The following TENT4A variants were observed in gnomAD, a reference collection of about 807,000 sequenced individuals.
The protein encoded by TENT4A is terminal nucleotidyltransferase 4A, also known as DNA polymerase kappa.
A neutral mutation model predicts 72.8 loss-of-function variants in TENT4A; 7 were observed. The observed-to-expected ratio is 0.10, with a 90% CI of 0.05 to 0.18. The LOEUF (loss-of-function observed/expected upper bound fraction) is 0.18, where lower values mean the gene tolerates loss of function less well. TENT4A is among the 10% of genes least tolerant of loss of function. The probability of loss-of-function intolerance (pLI) is 1.00; values close to 1 mark genes in which losing one functional copy is unlikely to be tolerated. For synonymous variants in TENT4A, 456 were observed against 434.3 expected, an observed-to-expected ratio of 1.05 and a Z score of -0.62; for missense variants, 831 against 1,017.7, an observed-to-expected ratio of 0.82 and a Z score of 2.50.
At chr5:6,729,431 A>G (rs1490892816) in intron 1 of TENT4A, among the ~76,000 whole-genome samples, 1 of 152,248 alleles carries the variant, frequency 6.6e-6, no homozygotes, top group Non-Finnish European at 1.5e-5. Context: ...CAGTGTAAGG[A>G]TATCTGGAAA....
At chr5:6,718,615 T>C (rs908803615) in intron 1 of TENT4A, among the ~76,000 whole-genome samples, 3 of 152,236 alleles carry the variant, frequency 2.0e-5, no homozygotes, top group Admixed American at 1.3e-4. Flanking sequence ...ACTAAGCAGA[T>C]ACTTGCTCCT....
intron 1 of TENT4A, among the ~76,000 whole-genome samples, chr5:6,735,870 C>T (rs1741459025): frequency 1.3e-5 from 2 of 151,878 alleles, no homozygotes; most frequent in Non-Finnish European, 2.9e-5. Flanking sequence ...AAGCGATTCT[C>T]CTGCCTCAGT....
Position 6,756,460 on chromosome 5 carries a change from G to T in TENT4A, c.*1515G>T, listed in dbSNP as rs1265411052. On this transcript the variant is annotated 3_prime_UTR_variant, in exon 13 of 13. Coordinates refer to ENST00000230859, the MANE Select transcript of TENT4A (RefSeq NM_006999.6). ...CATGACATCTGATGCATGTGCAGCA[G>T]TGGGGAGTTCTAGATTGATCTCTGA... 1 of 152,518 alleles carries T rather than the reference G, an allele frequency of 6.6e-6. No individual in the cohort carries two copies. The highest frequency in any genetic ancestry group is 2.4e-5 in the African/African-American group (1 of 41,446). 9.4% of individuals were successfully genotyped at this position (152,518 alleles called of 1,614,324 possible). A position where few individuals can be genotyped will look rare whatever the true frequency, so the allele number is the denominator to read the frequency against.
intron 11 of TENT4A, among the ~76,000 whole-genome samples, chr5:6,752,077 T>G (rs1461023257): frequency 6.6e-6 from 1 of 152,186 alleles, no homozygotes; most frequent in Non-Finnish European, 1.5e-5. Context: ...TAAAATGAAT[T>G]ATACCACAGA....
rs1029384328 is a variant in TENT4A at position 6,752,960 on chromosome 5, G to A, written c.2107G>A (p.Ala703Thr). ...AGVEGTASLK[A>T]VHHMSSPAIP... ...TGTAGAAGGAACTGCGTCTTTGAAA[G>A]CCGTCCACCACATGTCTTCCCCGGC... The change falls in exon 12 of 13, where the codon GCC (alanine) becomes ACC (threonine). Residue 703 changes from alanine to threonine, a missense_variant. Ala to Thr is a moderately conservative substitution (Grantham distance 58, BLOSUM62 0). Coordinates refer to ENST00000230859, the MANE Select transcript of TENT4A (RefSeq NM_006999.6). The A allele has an allele frequency of 1.6e-5, 26 of 1,613,980 alleles. No individual in the cohort carries two copies. The Admixed American group carries it at 3.0e-4, about 19-fold the overall frequency.
rs373129009 is a variant in TENT4A at position 6,746,517 on chromosome 5, C to T, written c.1459+90C>T. On this transcript the variant is annotated intron_variant, in intron 7 of 12. Transcript: ENST00000230859. ...GCCTGTGTTGGGGCTCTGAGAGCCC[C>T]GGGCAGTTCATTTGCTCTTGATGCA... The T allele has an allele frequency of 6.2e-5, 74 of 1,188,896 alleles. No homozygotes were observed. In the Admixed American group the frequency reaches 8.7e-4, roughly 14 times the overall value. 73.6% of individuals were successfully genotyped at this position (1,188,896 alleles called of 1,614,324 possible). A position where few individuals can be genotyped will look rare whatever the true frequency, so the allele number is the denominator to read the frequency against.
At chr5:6,724,371 G>A (rs779406865) in intron 1 of TENT4A, among the ~76,000 whole-genome samples, 1 of 152,178 alleles carries the variant, frequency 6.6e-6, no homozygotes, top group Non-Finnish European at 1.5e-5. Context: ...GAAGGACAAC[G>A]ATGAAATGAT....
rs765135328 is a variant in TENT4A at position 6,753,055 on chromosome 5, T to G, written c.2184+18T>G. ...ATCATAAGGTATAGCTCTGTCCTGG[T>G]GCATTCACCTACCTGTTCAAGCTGC... On this transcript the variant is annotated intron_variant, in intron 12 of 12. Transcript: ENST00000230859. 3.4e-5 allele frequency: 54 copies of G among 1,589,174 alleles called. No individual in the cohort carries two copies. Among genetic ancestry groups the G allele is most frequent in the Non-Finnish European group, 4.4e-5 (51 of 1,161,874 alleles).
At chr5:6,728,235 CAGTG>C (rs1333315266) in intron 1 of TENT4A, among the ~76,000 whole-genome samples, 1 of 152,058 alleles carries the variant, frequency 6.6e-6, no homozygotes, top group Non-Finnish European at 1.5e-5. Flanking sequence ...GCATGTCATA[CAGTG>C]AGTGTCTGGT....
intron 1 of TENT4A, among the ~76,000 whole-genome samples, chr5:6,718,244 G>A (rs1740479867): frequency 6.6e-6 from 1 of 152,250 alleles, no homozygotes; most frequent in Non-Finnish European, 1.5e-5. Flanking sequence ...GGTGAGAGTC[G>A]TTTCCAACTT....
rs5865676 is a variant in TENT4A at position 6,730,755 on chromosome 5, T to TAAAAAAA, written c.717-6742_717-6736dup. ...CTTTTCCTTCTTTCGAGCCTTAATTTAAAAAAAAAAAAAAAAAAAGCCTTG... is the reference window on the plus strand; with the variant it reads ...CTTTTCCTTCTTTCGAGCCTTAATTTAAAAAAAAAAAAAAAAAAAAAAAAAAGCCTTG... On this transcript the variant is annotated intron_variant, in intron 1 of 12. Transcript: ENST00000230859. Among the ~76,000 whole-genome samples the TAAAAAAA allele has an allele frequency of 3.1e-5, 4 of 130,048 alleles. 1 individual carries two copies. The highest frequency in any genetic ancestry group is 6.4e-5 in the Non-Finnish European group (4 of 62,920). The allele number at this position is 130,048 out of a possible 152,430, so 85.3% of individuals were successfully genotyped here.
rs1741702513 is a variant in TENT4A, at chr5:6,739,756, G to A, written c.912G>A (p.Gly304=). 6.2e-7 allele frequency: 1 copy of A among 1,614,050 alleles called. No individual in the cohort carries two copies. ...GCGACATAGACCTGGTGGTCTTCGG[G>A]AAATGGGAGCGTCCTCCTTTACAGC... ...PTSDIDLVVF[G]KWERPPLQLL... The change falls in exon 4 of 13, where the codon GGG becomes GGA. Residue 304 remains glycine, a synonymous_variant. Transcript: ENST00000230859.
intron 1 of TENT4A, among the ~76,000 whole-genome samples, chr5:6,730,509 T>A (rs1024187200): frequency 6.6e-6 from 1 of 152,180 alleles, no homozygotes; most frequent in African/African-American, 2.4e-5. Flanking sequence ...CCTCTGTCGG[T>A]AGCTGTCAGG....
intron 12 of TENT4A, among the ~76,000 whole-genome samples, chr5:6,754,444 C>T (rs899772749): frequency 2.0e-5 from 3 of 152,204 alleles, no homozygotes; most frequent in African/African-American, 7.2e-5. Context: ...GGTGGAATTA[C>T]AGGTGCAAGC....
At position 6,750,754 on chromosome 5, in the gene TENT4A, A is replaced by G. The variant is rs981317202; in HGVS notation, c.1860+251A>G. ...CAGTAATCCTCTAAATGGTTGAACT[A>G]CAGTGGACTTCCTTGAGTAGTTTTT... On this transcript the variant is annotated intron_variant, in intron 10 of 12. Coordinates refer to ENST00000230859, the MANE Select transcript of TENT4A (RefSeq NM_006999.6). 1.6e-5 allele frequency: 9 copies of G among 553,516 alleles called. 1 individual carries two copies. In the Admixed American group the frequency reaches 1.7e-4, roughly 11 times the overall value. 34.3% of individuals were successfully genotyped at this position (553,516 alleles called of 1,614,324 possible).
intron 1 of TENT4A, among the ~76,000 whole-genome samples, chr5:6,716,293 C>T (rs1453893031): frequency 6.6e-6 from 1 of 152,198 alleles, no homozygotes; most frequent in Non-Finnish European, 1.5e-5. Flanking sequence ...GACACAGTCT[C>T]ATGATCTTGA....
chr5:6,739,964 A>G, intron 4 of TENT4A, 112 bp downstream of exon 4: 1 of 1,058,482 alleles, frequency 9.4e-7, no homozygotes, highest in South Asian at 1.6e-5. Flanking sequence ...GTTATTGGCT[A>G]CAGTTTTGAA....
chr5:6,751,224 G>T, intron 11 of TENT4A, 27 bp downstream of exon 11: 2 of 1,613,190 alleles, frequency 1.2e-6, no homozygotes, highest in Non-Finnish European at 1.7e-6. Flanking sequence ...CACCCTTCCC[G>T]CTGGTGGCCC....
At chr5:6,721,046 C>G (rs893738224) in intron 1 of TENT4A, among the ~76,000 whole-genome samples, 7 of 152,206 alleles carry the variant, frequency 4.6e-5, no homozygotes, top group African/African-American at 1.7e-4. Context: ...TCTGTCCCTT[C>G]CTGAGCCCCC....
Sources: gnomAD v4.1 joint callset for allele counts (sites outside exome capture counted in the v4.1 genomes callset) on GRCh38, gnomAD v4.1.1 for gene constraint, MANE v1.5 for transcripts, NCBI Gene and HGNC (gene_info 2026-07-23, HGNC 2026-07-21) for gene names.